Variants in B4GALNT3 observed in about 807,000 individuals in gnomAD.
The protein encoded by B4GALNT3 is beta-1,4-N-acetylgalactosaminyltransferase 3.
Under a neutral mutation model 120.2 loss-of-function variants are expected in B4GALNT3, and 86 were observed. The ratio of observed to expected loss-of-function variants is 0.72; its 90% confidence interval spans 0.60 to 0.86. The LOEUF (loss-of-function observed/expected upper bound fraction) is 0.86, where lower values mean the gene tolerates loss of function less well. Ranked by LOEUF, B4GALNT3 falls within the 40% of genes least tolerant of loss-of-function variation. The pLI, the probability that B4GALNT3 is intolerant of heterozygous loss-of-function variation, is 0.00. For synonymous variants in B4GALNT3, 518 were observed against 510.4 expected, an observed-to-expected ratio of 1.01 and a Z score of -0.20; for missense variants, 1,167 against 1,298.9, an observed-to-expected ratio of 0.90 and a Z score of 1.56.
chr12:514,345 C>T (rs1382351139), intron 1 of B4GALNT3, among the ~76,000 whole-genome samples: 1 of 152,002 alleles, frequency 6.6e-6, no homozygotes, highest in Non-Finnish European at 1.5e-5. Context: ...CTACAGGTGC[C>T]CGCCACCACG....
intron 1 of B4GALNT3, among the ~76,000 whole-genome samples, chr12:471,448 T>C (rs1257730231): frequency 6.6e-6 from 1 of 151,872 alleles, no homozygotes; most frequent in Non-Finnish European, 1.5e-5. Flanking sequence ...GGCTCATGCC[T>C]GAAATCCTGG....
intron 6 of B4GALNT3, among the ~76,000 whole-genome samples, chr12:545,870 A>C (rs1312343929): frequency 3.3e-4 from 3 of 9,036 alleles, no homozygotes; most frequent in Middle Eastern, 0.17. Context: ...TGGGGAGGTG[A>C]GAGGAGTGGG....
chr12:541,025 G>A (rs1946908811), intron 3 of B4GALNT3, among the ~76,000 whole-genome samples: 1 of 152,232 alleles, frequency 6.6e-6, no homozygotes, highest in African/African-American at 2.4e-5. Context: ...TTACAGGCGT[G>A]AGCCACCGTG....
At chr12:534,829 C>A (rs546449771) in intron 1 of B4GALNT3, among the ~76,000 whole-genome samples, 1 of 152,222 alleles carries the variant, frequency 6.6e-6, no homozygotes, top group African/African-American at 2.4e-5. Context: ...CATCTCTCCA[C>A]GGCAGCTCTC....
intron 1 of B4GALNT3, among the ~76,000 whole-genome samples, chr12:467,097 T>G (rs1431500519): frequency 6.6e-6 from 1 of 152,092 alleles, no homozygotes; most frequent in Non-Finnish European, 1.5e-5. Flanking sequence ...TTAGCAATTT[T>G]TTAAATTAAA....
chr12:510,096 C>T (rs868252050), intron 1 of B4GALNT3, among the ~76,000 whole-genome samples: 30 of 152,148 alleles, frequency 2.0e-4, no homozygotes, highest in African/African-American at 9.7e-5. Context: ...CATTCCCTTT[C>T]GTCTCCAGGC....
chr12:478,272 ATTAG>A (rs1184949546), intron 1 of B4GALNT3, among the ~76,000 whole-genome samples: 3 of 47,556 alleles, frequency 6.3e-5, no homozygotes, highest in South Asian at 7.5e-4. Flanking sequence ...AAAAAAAAAA[ATTAG>A]AGGAGGTAAA....
At chr12:495,459 C>T (rs1276913452) in intron 1 of B4GALNT3, among the ~76,000 whole-genome samples, 4 of 152,172 alleles carry the variant, frequency 2.6e-5, no homozygotes, top group African/African-American at 9.7e-5. Flanking sequence ...ACAAAAGGGT[C>T]ATCTAGACCT....
rs1947111862 is a variant in B4GALNT3, at chr12:553,703, G to A, written c.1780G>A (p.Val594Met). Residue 594 changes from valine to methionine, a missense_variant, in exon 14 of 20, where the codon GTG (valine) becomes ATG (methionine). Val to Met is a conservative substitution (Grantham distance 21). Around this residue, in one of 3 missense-constraint regions of B4GALNT3, gnomAD observed 983 missense variants for 1,102.5 expected, o/e 0.89. Transcript: ENST00000266383. ...GRGWHGEEEV[V>M]AAAGQEGQVE... ...GGGCTGGCATGGGGAGGAGGAAGTG[G>A]TGGCGGCCGCAGGCCAGGAAGGACA... 1.2e-6 allele frequency: 2 copies of A among 1,613,798 alleles called. No individual in the cohort carries two copies. Among genetic ancestry groups the A allele is most frequent in the Non-Finnish European group, 1.7e-6 (2 of 1,179,698 alleles).
intron 1 of B4GALNT3, among the ~76,000 whole-genome samples, chr12:533,792 A>G (rs187868805): frequency 3.3e-4 from 51 of 152,288 alleles, no homozygotes; most frequent in African/African-American, 1.2e-3. Flanking sequence ...AAGCATAATC[A>G]TGTAAGAAAA....
intron 1 of B4GALNT3, among the ~76,000 whole-genome samples, chr12:507,124 A>T (rs1053495306): frequency 1.3e-5 from 2 of 152,206 alleles, no homozygotes; most frequent in African/African-American, 4.8e-5. Context: ...ACTCAAGTTC[A>T]TACTGTATCC....
At chr12:524,339 C>G (rs777640516) in intron 1 of B4GALNT3, among the ~76,000 whole-genome samples, 1 of 152,242 alleles carries the variant, frequency 6.6e-6, no homozygotes, top group Non-Finnish European at 1.5e-5. Context: ...CCTCGCAGAT[C>G]TAGCAGCTGG....
intron 14 of B4GALNT3, among the ~76,000 whole-genome samples, chr12:556,026 A>T (rs11612044): frequency 6.6e-6 from 1 of 151,714 alleles, no homozygotes; most frequent in South Asian, 2.1e-4. Context: ...CTTGTGATCC[A>T]CCTGCCTTGG....
chr12:533,536 A>G (rs961332527), intron 1 of B4GALNT3, among the ~76,000 whole-genome samples: 8 of 152,356 alleles, frequency 5.3e-5, no homozygotes, highest in Admixed American at 3.9e-4. Context: ...GGCACTCCTC[A>G]AAGTCTATGC....
At chr12:536,112 G>A (rs1056143170) in intron 2 of B4GALNT3, 106 bp from the exon 3 acceptor site, 22 of 822,580 alleles carry the variant, frequency 2.7e-5, no homozygotes, top group Admixed American at 5.6e-5. Flanking sequence ...AGACGGCAGC[G>A]TGCTCCGAGC....
At chr12:560,649 C>T (rs566770675) in intron 19 of B4GALNT3, among the ~76,000 whole-genome samples, 30 of 152,296 alleles carry the variant, frequency 2.0e-4, no homozygotes, top group South Asian at 1.9e-3. Context: ...CAAAGGAGCC[C>T]CCAGGGCAGC....
chr12:491,322 A>G (rs941227911), intron 1 of B4GALNT3, among the ~76,000 whole-genome samples: 1 of 149,672 alleles, frequency 6.7e-6, no homozygotes, highest in Non-Finnish European at 1.5e-5. Context: ...ACACCTATTC[A>G]TGATACAAAT....
intron 1 of B4GALNT3, among the ~76,000 whole-genome samples, chr12:512,891 C>T (rs1419525313): frequency 1.0e-4 from 15 of 149,948 alleles, no homozygotes; most frequent in Admixed American, 2.6e-4. Context: ...ATTCCACCTT[C>T]TACCTTCCGC....
intron 1 of B4GALNT3, among the ~76,000 whole-genome samples, chr12:508,341 G>A (rs1376442697): frequency 6.6e-6 from 1 of 152,162 alleles, no homozygotes; most frequent in African/African-American, 2.4e-5. Flanking sequence ...GTTCAGTGAT[G>A]CAATCATGGC....
Sources: allele counts gnomAD v4.1 joint callset (sites outside exome capture counted in the v4.1 genomes callset), GRCh38; gene constraint gnomAD v4.1.1; regional missense constraint gnomAD v4.1.1; transcripts MANE v1.5; gene names NCBI Gene and HGNC (gene_info 2026-07-23, HGNC 2026-07-21).